MIGA2: variants seen among roughly 807,000 people sequenced by gnomAD.
MIGA2 encodes the protein family with sequence similarity 73, member B.
MIGA2 carries 36 observed loss-of-function variants against 69.9 expected under a neutral mutation model. The ratio of observed to expected loss-of-function variants is 0.52; its 90% confidence interval spans 0.39 to 0.68. The LOEUF is 0.68. Among genes scored for constraint, MIGA2 ranks in the 30% least tolerant of loss-of-function variants. The probability of loss-of-function intolerance (pLI) is 0.00; values close to 1 mark genes in which losing one functional copy is unlikely to be tolerated. For synonymous variants in MIGA2, 333 were observed against 349.2 expected (o/e 0.95, Z 0.52); for missense variants, 660 against 787.7 (o/e 0.84, Z 1.94).
chr9:129,065,477 G>A (rs1846293627), intron 11 of MIGA2, among the ~76,000 whole-genome samples: 2 of 151,752 alleles, frequency 1.3e-5, no homozygotes, highest in African/African-American at 4.8e-5. Flanking sequence ...TCCCTCCCAA[G>A]TAGCTGGGAT....
At chr9:129,064,506 CTT>C (rs71383628) in intron 11 of MIGA2, among the ~76,000 whole-genome samples, 5 of 140,720 alleles carry the variant, frequency 3.6e-5, no homozygotes, top group Admixed American at 7.1e-5. Flanking sequence ...CGTGCCTGGC[CTT>C]TTTTTTTTTT....
At position 129,069,543 on chromosome 9, in the gene MIGA2, C is replaced by T. The variant is rs1846553944; in HGVS notation, c.1459-306C>T. The T allele has an allele frequency of 1.5e-5, 8 of 521,212 alleles. 1 individual carries two copies. The highest frequency in any genetic ancestry group is 1.1e-3 in the Middle Eastern group (2 of 1,898). The allele number at this position is 521,212 out of a possible 1,614,324, so 32.3% of individuals were successfully genotyped here. A position where few individuals can be genotyped will look rare whatever the true frequency, so the allele number is the denominator to read the frequency against. ...CTGTGCTATCTGGCCTGTGGTTTGT[C>T]GTTCCCCTCTGCGGGCCAGGCTCTG... On this transcript the variant is annotated intron_variant, in intron 14 of 15. Transcript: ENST00000684074. The surrounding 1 kb of genome is among the most constrained non-coding windows in gnomAD (Gnocchi z 4.9).
intron 11 of MIGA2, 102 bp from the exon 12 acceptor site, chr9:129,067,671 G>A (rs1846432271): frequency 9.8e-7 from 1 of 1,023,112 alleles, no homozygotes; most frequent in Non-Finnish European, 1.5e-6. Flanking sequence ...TGCTGCGTGG[G>A]GATGGGCCCC....
At chr9:129,054,613 A>C (rs770659854) in intron 6 of MIGA2, among the ~76,000 whole-genome samples, 13 of 152,230 alleles carry the variant, frequency 8.5e-5, no homozygotes, top group Non-Finnish European at 1.9e-4. Flanking sequence ...GGATCACAGA[A>C]TATGTGGCCT....
chr9:129,070,240 C>A lies in MIGA2; in HGVS notation c.1576-7C>A. On this transcript the variant is annotated splice_polypyrimidine_tract_variant and splice_region_variant and intron_variant, in intron 15 of 15. Coordinates refer to ENST00000684074, the MANE Select transcript of MIGA2 (RefSeq NM_001329990.2). ...GGCCAGGCCTGACACCAGCCCTGCTCCCCCAGCACCAGATTGTGCAGTACC... is the reference window on the plus strand; with the variant it reads ...GGCCAGGCCTGACACCAGCCCTGCTACCCCAGCACCAGATTGTGCAGTACC... The A allele has an allele frequency of 6.2e-7, 1 of 1,609,452 alleles. No individual in the cohort carries two copies. The highest frequency in any genetic ancestry group is 8.5e-7 in the Non-Finnish European group (1 of 1,177,202).
At chr9:129,043,399 T>C (rs1378416657) in intron 3 of MIGA2, among the ~76,000 whole-genome samples, 1 of 149,216 alleles carries the variant, frequency 6.7e-6, no homozygotes, top group African/African-American at 2.5e-5. Flanking sequence ...TTTTTTTTTT[T>C]TTTTTGAGAT....
intron 6 of MIGA2, among the ~76,000 whole-genome samples, chr9:129,052,304 G>T (rs542806725): frequency 6.7e-6 from 1 of 150,126 alleles, no homozygotes; most frequent in South Asian, 2.1e-4. Context: ...TGTATTTTTA[G>T]TAGAGATGGG....
chr9:129,042,239 G>A, intron 2 of MIGA2, 65 bp from the exon 3 acceptor site: 1 of 1,525,198 alleles, frequency 6.6e-7, no homozygotes, highest in East Asian at 2.3e-5. Context: ...GTGCTCTGGG[G>A]CGGTCCTGCT....
intron 11 of MIGA2, among the ~76,000 whole-genome samples, chr9:129,066,700 C>T (rs1846368598): frequency 6.7e-6 from 1 of 150,318 alleles, no homozygotes; most frequent in Non-Finnish European, 1.5e-5. Context: ...TGGCTCATGC[C>T]TGTAATCCCA....
At chr9:129,057,787 G>T (rs948052954) in intron 6 of MIGA2, among the ~76,000 whole-genome samples, 11 of 151,908 alleles carry the variant, frequency 7.2e-5, no homozygotes, top group Non-Finnish European at 1.2e-4. Flanking sequence ...TGTATTTTTT[G>T]TAGAGATAGG....
At chr9:129,063,464 G>A in intron 10 of MIGA2, 81 bp from the exon 11 acceptor site, 2 of 1,566,940 alleles carry the variant, frequency 1.3e-6, no homozygotes, top group South Asian at 1.1e-5. Context: ...CACCTACCTG[G>A]CCTCTTATGT....
intron 3 of MIGA2, 144 bp downstream of exon 3, chr9:129,042,658 C>T: frequency 1.2e-6 from 1 of 811,662 alleles, no homozygotes; most frequent in Non-Finnish European, 2.0e-6. Flanking sequence ...AGCGGGATGA[C>T]AGTAGCGTCC....
Position 129,040,508 on chromosome 9 carries a change from G to T in MIGA2, c.-87G>T, listed in dbSNP as rs2131338120. 2.0e-6 allele frequency: 3 copies of T among 1,507,582 alleles called. No individual in the cohort carries two copies. Among genetic ancestry groups the T allele is most frequent in the Non-Finnish European group, 2.7e-6 (3 of 1,118,860 alleles). 93.4% of individuals were successfully genotyped at this position (1,507,582 alleles called of 1,614,324 possible). On this transcript the variant is annotated 5_prime_UTR_variant, in exon 2 of 16. Transcript: ENST00000684074. ...CCTGTCCTTCTGGGGCGTGGATGGT[G>T]CCTGGGACCCAGCTGGCAACCAGTT...
In MIGA2 at chr9:129,068,543, G is replaced by A. The variant is rs957785083; in HGVS notation, c.1404+211G>A. The A allele has an allele frequency of 6.8e-6, 4 of 585,656 alleles. No homozygotes were observed. Among genetic ancestry groups the A allele is most frequent in the South Asian group, 2.3e-5 (1 of 44,066 alleles). The allele number at this position is 585,656 out of a possible 1,614,324, so 36.3% of individuals were successfully genotyped here. ...TGGTGCCCCAGTTTAGAACCAACAT[G>A]GTGTGCGCTTTCTTCCTATTGTGTG... is the stretch of plus-strand genomic sequence containing the variant. On this transcript the variant is annotated intron_variant, in intron 13 of 15. Transcript: ENST00000684074. The surrounding 1 kb of genome is among the most constrained non-coding windows in gnomAD (Gnocchi z 4.1).
chr9:129,066,039 TCTC>T (rs1846323171), intron 11 of MIGA2, among the ~76,000 whole-genome samples: 1 of 152,204 alleles, frequency 6.6e-6, no homozygotes, highest in African/African-American at 2.4e-5. Flanking sequence ...CCTCGGATAT[TCTC>T]CTGGCAGTGG....
Position 129,060,994 on chromosome 9 carries a change from G to A in MIGA2, c.895-237G>A, listed in dbSNP as rs1564615454. 2.0e-5 allele frequency among the ~76,000 whole-genome samples: 3 copies of A among 152,224 alleles called. No homozygotes were observed. Among genetic ancestry groups the A allele is most frequent in the African/African-American group, 7.2e-5 (3 of 41,472 alleles). On this transcript the variant is annotated intron_variant, in intron 8 of 15. Coordinates refer to ENST00000684074, the MANE Select transcript of MIGA2 (RefSeq NM_001329990.2). The surrounding 1 kb of genome is among the most constrained non-coding windows in gnomAD (Gnocchi z 4.8). ...CCTTGGGATGGGAGGACATGCACATGTGTCCTTTAGATGGCCTTTTTGGGA... is the reference window on the plus strand; with the variant it reads ...CCTTGGGATGGGAGGACATGCACATATGTCCTTTAGATGGCCTTTTTGGGA...
chr9:129,069,160 A>G lies in MIGA2; in HGVS notation c.1458+31A>G, dbSNP rs762280583. On this transcript the variant is annotated intron_variant, in intron 14 of 15. Coordinates refer to ENST00000684074, the MANE Select transcript of MIGA2 (RefSeq NM_001329990.2). This position sits in a 1 kb window ranked among gnomAD's most constrained non-coding sequence, Gnocchi z 4.9. ...TGACTGGCAGGCCCGGGGGAGCACGAGCTGGGCTCTGAGGCAGCGTGGTGG... is the reference window on the plus strand; with the variant it reads ...TGACTGGCAGGCCCGGGGGAGCACGGGCTGGGCTCTGAGGCAGCGTGGTGG... 10 of 1,613,214 alleles carry G rather than the reference A, an allele frequency of 6.2e-6. No individual in the cohort carries two copies. Among genetic ancestry groups the G allele is most frequent in the Non-Finnish European group, 8.5e-6 (10 of 1,179,826 alleles).
At chr9:129,050,166 G>A (rs1403230471) in intron 6 of MIGA2, among the ~76,000 whole-genome samples, 1 of 152,260 alleles carries the variant, frequency 6.6e-6, no homozygotes, top group African/African-American at 2.4e-5. Flanking sequence ...CAGCCGTACT[G>A]AGACTCACAC....
intron 3 of MIGA2, 26 bp downstream of exon 3, chr9:129,042,540 C>G (rs1322489407): frequency 6.5e-7 from 1 of 1,540,858 alleles, no homozygotes; most frequent in Admixed American, 2.0e-5. Context: ...TGGGCATAGG[C>G]CTGACCTGAG....
Sources: gnomAD v4.1 joint callset for allele counts (sites outside exome capture counted in the v4.1 genomes callset) on GRCh38, gnomAD v4.1.1 for gene constraint, Gnocchi (gnomAD v3.1) non-coding constraint, MANE v1.5 for transcripts, NCBI Gene and HGNC (gene_info 2026-07-23, HGNC 2026-07-21) for gene names.